The following SLC39A10 variants were observed in gnomAD, a reference collection of about 807,000 sequenced individuals.
SLC39A10 encodes the protein solute carrier family 39 member 10.
SLC39A10 carries 13 observed loss-of-function variants against 65.1 expected under a neutral mutation model. That is an observed-to-expected ratio of 0.20 (90% CI 0.13 to 0.32). The LOEUF (loss-of-function observed/expected upper bound fraction) is 0.32. Among genes scored for constraint, SLC39A10 ranks in the 10% least tolerant of loss-of-function variants. The pLI is 1.00. For missense variants in SLC39A10, 831 were observed against 1,018.4 expected (o/e 0.82, Z 2.50); for synonymous variants, 321 against 342.2 (o/e 0.94, Z 0.68).
chr2:195,714,164 C>T (rs1033264357), intron 6 of SLC39A10, among the ~76,000 whole-genome samples: 33 of 152,098 alleles, frequency 2.2e-4, no homozygotes, highest in Non-Finnish European at 4.4e-4. Flanking sequence ...ATCTCCTGAC[C>T]TCGTGATCTG....
At chr2:195,647,612 G>A (rs2105710516) in intron 2 of SLC39A10, among the ~76,000 whole-genome samples, 1 of 151,688 alleles carries the variant, frequency 6.6e-6, no homozygotes, top group Admixed American at 6.6e-5. Flanking sequence ...CCAAATTTTG[G>A]CCTTTGCTAC....
At chr2:195,726,868 C>G (rs894704709) in intron 8 of SLC39A10, among the ~76,000 whole-genome samples, 2 of 152,158 alleles carry the variant, frequency 1.3e-5, no homozygotes, top group Non-Finnish European at 2.9e-5. Context: ...TTCTGTATCG[C>G]ACCTTGCATA....
chr2:195,654,668 C>A (rs962712035), upstream of SLC39A10, among the ~76,000 whole-genome samples: 3 of 152,050 alleles, frequency 2.0e-5, no homozygotes, highest in African/African-American at 7.2e-5. Context: ...AGTGAGGTGG[C>A]TGGAAAAAGA....
chr2:195,625,732 C>T (rs1688459961), intron 2 of SLC39A10, among the ~76,000 whole-genome samples: 1 of 152,176 alleles, frequency 6.6e-6, no homozygotes, highest in South Asian at 2.1e-4. Context: ...GATCTTTGTT[C>T]ATTCCGGATT....
intron 6 of SLC39A10, among the ~76,000 whole-genome samples, 186 bp from the exon 7 acceptor site, chr2:195,716,451 A>AT (rs1337268201): frequency 6.6e-6 from 1 of 151,940 alleles, no homozygotes; most frequent in Non-Finnish European, 1.5e-5. Context: ...TGTTTTGCTT[A>AT]TTTTTTAATT....
chr2:195,710,809 G>A (rs966845717), intron 5 of SLC39A10, among the ~76,000 whole-genome samples: 4 of 152,188 alleles, frequency 2.6e-5, no homozygotes, highest in Non-Finnish European at 4.4e-5. Context: ...AGAGCTAACA[G>A]TATTTAGATT....
chr2:195,723,444 G>C (rs539381142), intron 8 of SLC39A10, among the ~76,000 whole-genome samples: 1 of 152,244 alleles, frequency 6.6e-6, no homozygotes, highest in South Asian at 2.1e-4. Flanking sequence ...CATCCAGAGG[G>C]CAGGAGGAAG....
chr2:195,736,881 T>TATCTATCTA lies in SLC39A10; in HGVS notation c.*1841_*1849dup, dbSNP rs1041634079. On this transcript the variant is annotated 3_prime_UTR_variant, in exon 10 of 10. Coordinates refer to ENST00000359634, the MANE Select transcript of SLC39A10 (RefSeq NM_020342.3). Reference sequence around the variant, plus strand: ...TACTGCCAACTTCAAGTGATTTAGATATCTATCTATCTAGATTTCTGAACC... The same window carrying TATCTATCTA: ...TACTGCCAACTTCAAGTGATTTAGATATCTATCTAATCTATCTATCTAGATTTCTGAACC... The TATCTATCTA allele has an allele frequency of 4.5e-5, 2 of 44,092 alleles. No homozygotes were observed. Among genetic ancestry groups the TATCTATCTA allele is most frequent in the Non-Finnish European group, 1.8e-4 (2 of 11,338 alleles). 2.7% of individuals were successfully genotyped at this position (44,092 alleles called of 1,614,324 possible).
At chr2:195,640,576 A>G (rs1688794855) in intron 2 of SLC39A10, among the ~76,000 whole-genome samples, 1 of 152,208 alleles carries the variant, frequency 6.6e-6, no homozygotes, top group African/African-American at 2.4e-5. Flanking sequence ...AAGCTTCCCT[A>G]TGAATGCCAA....
chr2:195,636,332 T>C (rs1174271956), intron 2 of SLC39A10, among the ~76,000 whole-genome samples: 2 of 152,258 alleles, frequency 1.3e-5, no homozygotes, highest in Non-Finnish European at 2.9e-5. Context: ...TGTTATATCA[T>C]ATGTAATTGG....
At chr2:195,699,345 C>G (rs979314923) in intron 3 of SLC39A10, among the ~76,000 whole-genome samples, 9 of 151,564 alleles carry the variant, frequency 5.9e-5, no homozygotes, top group Middle Eastern at 3.4e-3. Flanking sequence ...TTATTTTGTT[C>G]TTCTTTTTCT....
upstream of SLC39A10, among the ~76,000 whole-genome samples, chr2:195,653,665 AC>A (rs1664688261): frequency 6.6e-6 from 1 of 152,222 alleles, no homozygotes; most frequent in African/African-American, 2.4e-5. Flanking sequence ...CATGCCTGGT[AC>A]TAGTGTTTCA....
chr2:195,734,193 TG>T (rs1390172458), intron 9 of SLC39A10, among the ~76,000 whole-genome samples: 3 of 146,338 alleles, frequency 2.1e-5, no homozygotes, highest in Non-Finnish European at 4.5e-5. Flanking sequence ...TTTTTTGAGA[TG>T]GAGTTTTGCT....
At chr2:195,658,879 T>G (rs1182548669) in intron 1 of SLC39A10, among the ~76,000 whole-genome samples, 1 of 152,230 alleles carries the variant, frequency 6.6e-6, no homozygotes, top group African/African-American at 2.4e-5. Context: ...TTTTTAACTT[T>G]TTTATGTGAT....
chr2:195,676,350 T>C (rs1334182723), intron 1 of SLC39A10, among the ~76,000 whole-genome samples: 1 of 148,374 alleles, frequency 6.7e-6, no homozygotes, highest in Non-Finnish European at 1.5e-5. Context: ...CCACAGCGCC[T>C]GGCCTATAAG....
chr2:195,716,167 T>C (rs887632636), intron 6 of SLC39A10, among the ~76,000 whole-genome samples: 1 of 152,228 alleles, frequency 6.6e-6, no homozygotes, highest in African/African-American at 2.4e-5. Flanking sequence ...TTTATCATTA[T>C]TGTAGCTTCT....
chr2:195,660,426 A>G (rs888188488), intron 1 of SLC39A10, among the ~76,000 whole-genome samples: 3 of 152,180 alleles, frequency 2.0e-5, no homozygotes, highest in Non-Finnish European at 2.9e-5. Flanking sequence ...AAAATACCCT[A>G]AAGCTTAAAG....
chr2:195,674,770 A>G (rs1690017273), intron 1 of SLC39A10: 1 of 455,790 alleles, frequency 2.2e-6, no homozygotes, highest in Non-Finnish European at 2.9e-6. Context: ...GTAGCCTGCT[A>G]TACACCTACC....
chr2:195,708,884 T>A (rs1220638158), intron 5 of SLC39A10, 40 bp downstream of exon 5: 2 of 1,445,098 alleles, frequency 1.4e-6, no homozygotes, highest in Non-Finnish European at 1.9e-6. Flanking sequence ...ACCATAAAAC[T>A]CAAAACAAAA....
Sources: gnomAD v4.1 joint callset for allele counts (sites outside exome capture counted in the v4.1 genomes callset) on GRCh38, gnomAD v4.1.1 for gene constraint, MANE v1.5 for transcripts, NCBI Gene and HGNC (gene_info 2026-07-23, HGNC 2026-07-21) for gene names.